CMSS1: variants seen among roughly 807,000 people sequenced by gnomAD.
CMSS1 encodes the protein protein CMSS1.
A neutral mutation model predicts 43.5 loss-of-function variants in CMSS1; 33 were observed. The observed-to-expected ratio is 0.76, with a 90% CI of 0.57 to 1.01. The LOEUF is 1.01. Ranked by LOEUF, CMSS1 falls within the 50% of genes least tolerant of loss-of-function variation. The probability of loss-of-function intolerance (pLI) is 0.00; values close to 1 mark genes in which losing one functional copy is unlikely to be tolerated. For missense variants in CMSS1, 313 were observed against 326.4 expected (o/e 0.96, Z 0.32); for synonymous variants, 115 against 117.2 (o/e 0.98, Z 0.12).
chr3:99,919,357 C>T (rs148495137), intron 1 of CMSS1, among the ~76,000 whole-genome samples: 47 of 150,374 alleles, frequency 3.1e-4, no homozygotes, highest in African/African-American at 1.2e-3. Flanking sequence ...TTGTTTTACA[C>T]AATGAACAAA....
chr3:100,151,373 G>T (rs899167012), intron 2 of CMSS1, among the ~76,000 whole-genome samples: 14 of 152,150 alleles, frequency 9.2e-5, no homozygotes, highest in Non-Finnish European at 2.1e-4. Context: ...TGCTTCTCTT[G>T]TCAGGTACCA....
At chr3:100,098,908 A>G (rs1056576508) in intron 1 of CMSS1, among the ~76,000 whole-genome samples, 3 of 152,216 alleles carry the variant, frequency 2.0e-5, no homozygotes, top group African/African-American at 7.2e-5. Context: ...CTGGAACTAG[A>G]TACTTCTCAA....
intron 1 of CMSS1, among the ~76,000 whole-genome samples, chr3:99,903,887 A>G (rs1490402808): frequency 6.6e-6 from 1 of 152,176 alleles, no homozygotes; most frequent in Non-Finnish European, 1.5e-5. Context: ...TGCTTCATTT[A>G]ATGGTACTCA....
rs1055650591 is a variant in CMSS1 at position 99,817,872 on chromosome 3, G to A, written c.-108G>A. ...CGGGGCGGAGGCGACAGTGTCTAGC[G>A]GGAGCTCCGCGTGTAGCTACGCCGG... is the stretch of plus-strand genomic sequence containing the variant. On this transcript the variant is annotated 5_prime_UTR_variant, in exon 1 of 10. Coordinates refer to ENST00000421999, the MANE Select transcript of CMSS1 (RefSeq NM_032359.4). The A allele has an allele frequency of 8.7e-7, 1 of 1,150,282 alleles. No individual in the cohort carries two copies. The highest frequency in any genetic ancestry group is 1.3e-6 in the Non-Finnish European group (1 of 786,290). The allele number at this position is 1,150,282 out of a possible 1,614,324, so 71.3% of individuals were successfully genotyped here. A position where few individuals can be genotyped will look rare whatever the true frequency, so the allele number is the denominator to read the frequency against.
chr3:100,147,421 C>T (rs537255761), intron 2 of CMSS1, among the ~76,000 whole-genome samples: 4 of 151,864 alleles, frequency 2.6e-5, no homozygotes, highest in Admixed American at 2.6e-4. Flanking sequence ...CACAGGCATG[C>T]ACCACCACAC....
chr3:99,991,836 ATG>A (rs112596171), intron 1 of CMSS1, among the ~76,000 whole-genome samples: 122 of 143,494 alleles, frequency 8.5e-4, no homozygotes, highest in African/African-American at 1.7e-3. Context: ...ATATATATAT[ATG>A]TGTGTGTGTG....
intron 1 of CMSS1, among the ~76,000 whole-genome samples, chr3:100,121,493 A>T (rs748405706): frequency 1.3e-5 from 2 of 152,082 alleles, no homozygotes; most frequent in African/African-American, 2.4e-5. Flanking sequence ...TCTATCATTG[A>T]TGGACATTTC....
intron 1 of CMSS1, among the ~76,000 whole-genome samples, chr3:99,950,275 A>G (rs144175788): frequency 6.6e-6 from 1 of 152,294 alleles, no homozygotes; most frequent in Admixed American, 6.5e-5. Flanking sequence ...CTGGAAAAGG[A>G]TGATAGTTAT....
chr3:100,143,145 A>G (rs1576100658), intron 1 of CMSS1, among the ~76,000 whole-genome samples: 1 of 152,158 alleles, frequency 6.6e-6, no homozygotes, highest in Non-Finnish European at 1.5e-5. Flanking sequence ...CCAATATAAG[A>G]ATTTTCACAG....
chr3:100,095,231 A>G (rs1300356416), intron 1 of CMSS1, among the ~76,000 whole-genome samples: 1 of 152,026 alleles, frequency 6.6e-6, no homozygotes, highest in Non-Finnish European at 1.5e-5. Flanking sequence ...TTCCCTTTCC[A>G]TATAAATTTT....
intron 1 of CMSS1, among the ~76,000 whole-genome samples, chr3:99,904,957 T>C (rs890650365): frequency 5.9e-5 from 9 of 152,164 alleles, no homozygotes; most frequent in African/African-American, 2.2e-4. Context: ...GTGTCTACCA[T>C]TCTGAAGAAA....
chr3:99,998,099 G>A (rs570288236), intron 1 of CMSS1, among the ~76,000 whole-genome samples: 2 of 152,302 alleles, frequency 1.3e-5, no homozygotes, highest in South Asian at 4.1e-4. Context: ...GTTAACTGGT[G>A]CGGAAATTCA....
intron 1 of CMSS1, chr3:99,847,855 C>T (rs1943438300): frequency 1.3e-6 from 1 of 783,816 alleles, no homozygotes; most frequent in Non-Finnish European, 1.6e-6. Context: ...AGACTATAAG[C>T]AAAAGACAAA....
At chr3:99,965,116 C>T (rs1708610495) in intron 1 of CMSS1, among the ~76,000 whole-genome samples, 1 of 152,070 alleles carries the variant, frequency 6.6e-6, no homozygotes, top group South Asian at 2.1e-4. Context: ...TACATTGGTC[C>T]AGGAAAATGT....
chr3:100,014,891 C>CT (rs1710284139), intron 1 of CMSS1, among the ~76,000 whole-genome samples: 37 of 27,210 alleles, frequency 1.4e-3, no homozygotes, highest in South Asian at 3.0e-3. Flanking sequence ...TTTTTTCTTT[C>CT]TTTCTTTTTT....
At chr3:100,023,932 A>G (rs1312437506) in intron 1 of CMSS1, among the ~76,000 whole-genome samples, 3 of 152,194 alleles carry the variant, frequency 2.0e-5, no homozygotes, top group South Asian at 2.1e-4. Context: ...GAAAAATGCT[A>G]GCAGTTAAAG....
chr3:99,825,437 A>C (rs2107477672), intron 1 of CMSS1, among the ~76,000 whole-genome samples: 1 of 152,338 alleles, frequency 6.6e-6, no homozygotes, highest in African/African-American at 2.4e-5. Flanking sequence ...CTATGTTATT[A>C]GTCATTGCTC....
intron 1 of CMSS1, among the ~76,000 whole-genome samples, chr3:100,134,140 C>T (rs185999804): frequency 2.6e-5 from 4 of 151,990 alleles, no homozygotes; most frequent in Admixed American, 6.6e-5. Flanking sequence ...AATTTCTGTT[C>T]GGGGAAATTA....
chr3:99,824,634 T>G (rs1475430114), intron 1 of CMSS1, among the ~76,000 whole-genome samples: 2 of 152,264 alleles, frequency 1.3e-5, no homozygotes, highest in Admixed American at 1.3e-4. Context: ...GCTGGCAGAT[T>G]TGTCAAACTC....
Sources: allele counts gnomAD v4.1 joint callset (sites outside exome capture counted in the v4.1 genomes callset), GRCh38; gene constraint gnomAD v4.1.1; transcripts MANE v1.5; gene names NCBI Gene and HGNC (gene_info 2026-07-23, HGNC 2026-07-21).